DLGAP1: variants seen among roughly 807,000 people sequenced by gnomAD.
The protein encoded by DLGAP1 is disks large-associated protein 1.
DLGAP1 carries 11 observed loss-of-function variants against 90.8 expected under a neutral mutation model. That is an observed-to-expected ratio of 0.12 (90% confidence interval 0.08 to 0.20). The LOEUF (loss-of-function observed/expected upper bound fraction) is 0.20. Among genes scored for constraint, DLGAP1 ranks in the 10% least tolerant of loss-of-function variants. The pLI is 1.00. For synonymous variants in DLGAP1, 558 were observed against 540.7 expected (o/e 1.03, Z -0.44); for missense variants, 1,050 against 1,333.8 (o/e 0.79, Z 3.31).
At chr18:4,227,067 A>G (rs1013571134) in intron 1 of DLGAP1, among the ~76,000 whole-genome samples, 1 of 152,044 alleles carries the variant, frequency 6.6e-6, no homozygotes, top group Non-Finnish European at 1.5e-5. Context: ...CTATACTTAC[A>G]TCATAATAGA....
chr18:4,101,222 G>A (rs1315553520), intron 2 of DLGAP1, among the ~76,000 whole-genome samples: 2 of 152,100 alleles, frequency 1.3e-5, no homozygotes, highest in Non-Finnish European at 2.9e-5. Flanking sequence ...TCACTTGCAC[G>A]CTTAGAGGCC....
At chr18:4,198,798 T>TG (rs2144790638) in intron 1 of DLGAP1, among the ~76,000 whole-genome samples, 1 of 152,288 alleles carries the variant, frequency 6.6e-6, no homozygotes, top group African/African-American at 2.4e-5. Flanking sequence ...CATTCTGCAG[T>TG]TTTTGGAGAA....
intron 4 of DLGAP1, among the ~76,000 whole-genome samples, chr18:3,876,393 G>T (rs2071005333): frequency 6.6e-6 from 1 of 152,088 alleles, no homozygotes; most frequent in African/African-American, 2.4e-5. Flanking sequence ...TTGAAATATA[G>T]ATTTTTTCCC....
intron 5 of DLGAP1, among the ~76,000 whole-genome samples, chr18:3,801,514 C>T (rs182593409): frequency 1.3e-5 from 2 of 152,204 alleles, no homozygotes; most frequent in Admixed American, 6.5e-5. Flanking sequence ...ATTCAAATCC[C>T]GACTGTGACA....
chr18:4,343,247 C>G (rs2081234924), intron 1 of DLGAP1, among the ~76,000 whole-genome samples: 1 of 149,314 alleles, frequency 6.7e-6, no homozygotes, highest in Non-Finnish European at 1.5e-5. Flanking sequence ...GCAGAGCTTG[C>G]AGTGAGCTGA....
At chr18:4,282,135 C>A (rs550299082) in intron 1 of DLGAP1, among the ~76,000 whole-genome samples, 24 of 152,050 alleles carry the variant, frequency 1.6e-4, no homozygotes, top group Admixed American at 2.6e-4. Flanking sequence ...GAGGCCGAGG[C>A]GGGCGGATCA....
At chr18:4,283,154 A>G (rs1041462935) in intron 1 of DLGAP1, among the ~76,000 whole-genome samples, 7 of 152,232 alleles carry the variant, frequency 4.6e-5, no homozygotes, top group African/African-American at 1.4e-4. Context: ...TGAATGCAAC[A>G]AAGAATGTAA....
chr18:3,899,205 C>T (rs1299325556), intron 3 of DLGAP1, among the ~76,000 whole-genome samples: 5 of 152,190 alleles, frequency 3.3e-5, no homozygotes, highest in Admixed American at 2.0e-4. Flanking sequence ...TCTGCATTGA[C>T]AGGTGTTTGT....
chr18:4,067,824 C>A (rs951341258), intron 2 of DLGAP1, among the ~76,000 whole-genome samples: 9 of 152,018 alleles, frequency 5.9e-5, no homozygotes, highest in Admixed American at 3.9e-4. Context: ...AGTTGTCCCC[C>A]CTTTCCTGAC....
chr18:4,036,143 T>G (rs2074885437), intron 2 of DLGAP1, among the ~76,000 whole-genome samples: 1 of 152,188 alleles, frequency 6.6e-6, no homozygotes, highest in Non-Finnish European at 1.5e-5. Flanking sequence ...TGATGTTTAT[T>G]AAGCTGATTA....
intron 1 of DLGAP1, among the ~76,000 whole-genome samples, chr18:4,319,955 G>A (rs2080635823): frequency 6.6e-6 from 1 of 152,230 alleles, no homozygotes; most frequent in Middle Eastern, 3.4e-3. Flanking sequence ...CACTCTGGGA[G>A]GGAACCCCAT....
At chr18:4,115,925 A>C (rs2076057065) in intron 2 of DLGAP1, among the ~76,000 whole-genome samples, 1 of 152,180 alleles carries the variant, frequency 6.6e-6, no homozygotes, top group Admixed American at 6.5e-5. Context: ...TAGAGAAGAA[A>C]GGGGAATGAA....
chr18:3,553,564 C>T (rs892120034), intron 9 of DLGAP1, among the ~76,000 whole-genome samples: 1 of 152,070 alleles, frequency 6.6e-6, no homozygotes, highest in Non-Finnish European at 1.5e-5. Flanking sequence ...GACAGAGTCT[C>T]ACTCTGTCGC....
chr18:3,659,446 C>CCCA (rs2059611196), intron 7 of DLGAP1, among the ~76,000 whole-genome samples: 1 of 117,122 alleles, frequency 8.5e-6, no homozygotes, highest in African/African-American at 5.4e-5. Flanking sequence ...GATGCTACCA[C>CCCA]CCCCCGCCGC....
At chr18:4,116,415 T>C (rs960093940) in intron 2 of DLGAP1, among the ~76,000 whole-genome samples, 1 of 152,206 alleles carries the variant, frequency 6.6e-6, no homozygotes, top group Non-Finnish European at 1.5e-5. Context: ...TTTCAGACAT[T>C]GTTTCCTTGA....
intron 1 of DLGAP1, among the ~76,000 whole-genome samples, chr18:4,439,422 A>T (rs903163497): frequency 2.0e-5 from 3 of 152,248 alleles, no homozygotes; most frequent in Admixed American, 2.0e-4. Context: ...CATTCTTTAG[A>T]CAAATATTTA....
At chr18:3,890,820 C>T (rs75296418) in intron 3 of DLGAP1, among the ~76,000 whole-genome samples, 45 of 152,106 alleles carry the variant, frequency 3.0e-4, no homozygotes, top group Non-Finnish European at 6.5e-4. Context: ...ACTTGAACTC[C>T]TGGGCGCAAG....
At chr18:3,626,823 G>A (rs941347752) in intron 7 of DLGAP1, among the ~76,000 whole-genome samples, 42 of 151,480 alleles carry the variant, frequency 2.8e-4, no homozygotes, top group Non-Finnish European at 5.4e-4. Flanking sequence ...ATTTGAACCC[G>A]GGAGGGCGGA....
intron 8 of DLGAP1, among the ~76,000 whole-genome samples, chr18:3,572,337 G>A (rs2054856219): frequency 6.6e-6 from 1 of 151,452 alleles, no homozygotes; most frequent in Admixed American, 6.6e-5. Flanking sequence ...CACTGAATAA[G>A]CCTAAGAAAA....
Sources: gnomAD v4.1 joint callset for allele counts (sites outside exome capture counted in the v4.1 genomes callset) on GRCh38, gnomAD v4.1.1 for gene constraint, MANE v1.5 for transcripts, NCBI Gene and HGNC (gene_info 2026-07-23, HGNC 2026-07-21) for gene names.